The following DPYD variants were observed in gnomAD, a reference collection of about 807,000 sequenced individuals.
The protein encoded by DPYD is dihydropyrimidine dehydrogenase [NADP(+)].
In DPYD, 109 loss-of-function variants were observed where a neutral mutation model predicts 116.2. The ratio of observed to expected loss-of-function variants is 0.94; its 90% CI spans 0.80 to 1.10. DPYD has a LOEUF of 1.10. DPYD is among the 50% of genes least tolerant of loss of function. The pLI, the probability that DPYD is intolerant of heterozygous loss-of-function variation, is 0.00. For missense variants in DPYD, 1,302 were observed against 1,254.5 expected, an observed-to-expected ratio of 1.04 and a Z score of -0.57; for synonymous variants, 440 against 432.0, an observed-to-expected ratio of 1.02 and a Z score of -0.23.
At chr1:97,443,113 C>T (rs1675893331) in intron 14 of DPYD, among the ~76,000 whole-genome samples, 2 of 152,018 alleles carry the variant, frequency 1.3e-5, no homozygotes. Flanking sequence ...GACTCTAAGC[C>T]CTCTGCCTTT....
intron 14 of DPYD, among the ~76,000 whole-genome samples, chr1:97,438,226 C>A (rs1675574742): frequency 6.6e-6 from 1 of 151,942 alleles, no homozygotes; most frequent in Non-Finnish European, 1.5e-5. Flanking sequence ...ATATGAATTT[C>A]AAGATCAGCT....
intron 13 of DPYD, among the ~76,000 whole-genome samples, chr1:97,507,024 C>T (rs1055932122): frequency 4.6e-5 from 7 of 151,974 alleles, no homozygotes; most frequent in Admixed American, 3.9e-4. Context: ...AGCACACATA[C>T]AGGTTCTTTT....
At chr1:97,768,093 T>C (rs1017564815) in intron 3 of DPYD, among the ~76,000 whole-genome samples, 3 of 152,140 alleles carry the variant, frequency 2.0e-5, no homozygotes, top group African/African-American at 7.2e-5. Context: ...AGCAATCAGG[T>C]CCTCGAAAGT....
intron 8 of DPYD, among the ~76,000 whole-genome samples, chr1:97,615,928 T>A (rs977558464): frequency 6.6e-6 from 1 of 152,120 alleles, no homozygotes. Context: ...CTGACTGGCA[T>A]GCCCTTCCTT....
chr1:97,089,438 G>A (rs1649743702), intron 21 of DPYD, among the ~76,000 whole-genome samples: 1 of 152,188 alleles, frequency 6.6e-6, no homozygotes, highest in South Asian at 2.1e-4. Flanking sequence ...AGGAGGCATT[G>A]TCTGGTTTCT....
chr1:97,331,905 AT>A (rs1391579187), intron 16 of DPYD, among the ~76,000 whole-genome samples: 1 of 152,180 alleles, frequency 6.6e-6, no homozygotes, highest in Non-Finnish European at 1.5e-5. Context: ...AGAAATACAG[AT>A]CTAATGGGAG....
chr1:97,896,329 T>C (rs1459926617), intron 1 of DPYD, among the ~76,000 whole-genome samples: 1 of 151,746 alleles, frequency 6.6e-6, no homozygotes, highest in Non-Finnish European at 1.5e-5. Context: ...TGCATACATA[T>C]CTCCAATTTA....
At chr1:97,621,529 AATAAT>A (rs145132841) in intron 8 of DPYD, among the ~76,000 whole-genome samples, 7,365 of 152,180 alleles carry the variant, frequency 0.048, 248 homozygotes, top group Middle Eastern at 0.075. Context: ...TTTGTACATA[AATAAT>A]ATAAGTCTAA....
intron 16 of DPYD, among the ~76,000 whole-genome samples, chr1:97,346,971 T>C: frequency 6.6e-6 from 1 of 151,890 alleles, no homozygotes; most frequent in Admixed American, 6.6e-5. Context: ...CTTGGTGATT[T>C]GGGGCCTTTT....
chr1:97,538,186 G>A (rs193104654), intron 12 of DPYD, among the ~76,000 whole-genome samples: 57 of 151,956 alleles, frequency 3.8e-4, no homozygotes, highest in African/African-American at 9.7e-4. Flanking sequence ...TTCCATTAAC[G>A]AATCCACCAA....
At chr1:97,757,634 TC>T (rs1235218697) in intron 3 of DPYD, among the ~76,000 whole-genome samples, 1 of 152,202 alleles carries the variant, frequency 6.6e-6, no homozygotes, top group African/African-American at 2.4e-5. Context: ...GTAATTTACC[TC>T]CCATTACTAT....
At chr1:97,286,091 C>T (rs1357786299) in intron 18 of DPYD, among the ~76,000 whole-genome samples, 1 of 152,116 alleles carries the variant, frequency 6.6e-6, no homozygotes, top group Non-Finnish European at 1.5e-5. Context: ...GCGCTTCCTT[C>T]AGGAGCTCTT....
chr1:97,777,572 A>G (rs1056501331), intron 3 of DPYD, among the ~76,000 whole-genome samples: 8 of 152,232 alleles, frequency 5.3e-5, no homozygotes, highest in Non-Finnish European at 2.9e-5. Flanking sequence ...AGCTAACCCT[A>G]GAACACAGGT....
At chr1:97,766,395 G>A (rs1200976666) in intron 3 of DPYD, among the ~76,000 whole-genome samples, 1 of 152,056 alleles carries the variant, frequency 6.6e-6, no homozygotes, top group Non-Finnish European at 1.5e-5. Flanking sequence ...TTGATAAGGA[G>A]AGAATCAAAA....
At chr1:97,699,078 A>G (rs987007498) in intron 6 of DPYD, among the ~76,000 whole-genome samples, 1 of 152,056 alleles carries the variant, frequency 6.6e-6, no homozygotes, top group African/African-American at 2.4e-5. Flanking sequence ...ATCATTTTTC[A>G]TATGATTGGT....
rs1280722072 is a variant in DPYD at position 97,691,757 on chromosome 1, A to G, written c.722T>C (p.Val241Ala). ...IPQFRLPYDV[V>A]NFEIELMKDL... The stretch of plus-strand genomic sequence containing the variant: ...CTTCATTAGCTCAATCTCAAAATTC[A>G]CTACATCATACGGCAGCCGGAACTG... The change falls in exon 7 of 23, where the codon GTG becomes GCG. Residue 241 changes from valine (V) to alanine (A), a missense_variant. Physicochemically the swap from Val to Ala is moderately conservative, Grantham distance 64 (BLOSUM62 0). Transcript: ENST00000370192. The G allele has an allele frequency of 3.7e-6, 6 of 1,613,668 alleles. No homozygotes were observed. Among genetic ancestry groups the G allele is most frequent in the Middle Eastern group, 3.3e-4 (2 of 6,080 alleles).
chr1:97,731,849 CAATTT>C (rs1022303195), intron 4 of DPYD, among the ~76,000 whole-genome samples: 4 of 151,426 alleles, frequency 2.6e-5, no homozygotes, highest in African/African-American at 9.7e-5. Context: ...GTTGTGATTC[CAATTT>C]AATTTATATA....
chr1:97,558,719 G>A (rs1243283381), intron 11 of DPYD, among the ~76,000 whole-genome samples: 1 of 152,100 alleles, frequency 6.6e-6, no homozygotes, highest in Non-Finnish European at 1.5e-5. Flanking sequence ...CTCCTTTTGT[G>A]TTATTTGTAT....
At chr1:97,874,397 C>A (rs1671802954) in intron 2 of DPYD, among the ~76,000 whole-genome samples, 1 of 151,872 alleles carries the variant, frequency 6.6e-6, no homozygotes, top group Non-Finnish European at 1.5e-5. Context: ...AAATCATGAA[C>A]ATTTATGCCA....
Sources: allele counts gnomAD v4.1 joint callset (sites outside exome capture counted in the v4.1 genomes callset), GRCh38; gene constraint gnomAD v4.1.1; transcripts MANE v1.5; gene names NCBI Gene and HGNC (gene_info 2026-07-23, HGNC 2026-07-21).